TMPRSS13: variants seen among roughly 807,000 people sequenced by gnomAD.
The protein encoded by TMPRSS13 is transmembrane protease serine 13.
TMPRSS13 carries 50 observed loss-of-function variants against 68.4 expected under a neutral mutation model. The ratio of observed to expected loss-of-function variants is 0.73; its 90% confidence interval spans 0.58 to 0.93. The LOEUF is 0.93. Ranked by LOEUF, TMPRSS13 falls within the 40% of genes least tolerant of loss-of-function variation. The pLI, the probability that TMPRSS13 is intolerant of heterozygous loss-of-function variation, is 0.00. For synonymous variants in TMPRSS13, 267 were observed against 285.8 expected (o/e 0.93, Z 0.66); for missense variants, 615 against 729.2 (o/e 0.84, Z 1.80).
intron 6 of TMPRSS13, among the ~76,000 whole-genome samples, chr11:117,911,087 G>A (rs1041518522): frequency 2.0e-4 from 30 of 152,206 alleles, no homozygotes; most frequent in Non-Finnish European, 3.7e-4. Context: ...GTGGTCTGGT[G>A]CTCCTCTGAC....
rs1208842677 is a variant in TMPRSS13, at chr11:117,914,496, T to C, written c.575A>G (p.His192Arg). ...CTGCTCCTTGTACCTGATCCCTGTG[T>C]GGCCCTGCCAGAACTGGACTAGAGA... ...LIILFQFWQGHTGIRYKEQRE... is the reference protein window; with the variant it reads ...LIILFQFWQGRTGIRYKEQRE... The change falls in exon 4 of 13, where the codon CAC (histidine) becomes CGC (arginine). Residue 192 changes from histidine (H) to arginine (R), a missense_variant. Transcript: ENST00000524993. This position sits in a 1 kb window ranked among gnomAD's most constrained non-coding sequence, Gnocchi z 4.2. 2 of 1,613,882 alleles carry C rather than the reference T, an allele frequency of 1.2e-6. No homozygotes were observed. Among genetic ancestry groups the C allele is most frequent in the Non-Finnish European group, 1.7e-6 (2 of 1,180,022 alleles).
At position 117,903,734 on chromosome 11, in the gene TMPRSS13, G is replaced by A. The variant is rs536540174; in HGVS notation, c.1598C>T (p.Thr533Ile). The change falls in exon 12 of 13, where the codon ACA becomes ATA. Residue 533 changes from threonine (T) to isoleucine (I), a missense_variant. By Grantham distance (89) the Thr-to-Ile change is moderately conservative (BLOSUM62 -1). Transcript: ENST00000524993. ...WYLAGVTSWG[T>I]GCGQRNKPGV... ...AGGTTTGTTTCTCTGGCCACAGCCT[G>A]TGCCCCAGCTGGTGACACCTGCCAG... 3.2e-5 allele frequency: 51 copies of A among 1,613,498 alleles called. No homozygotes were observed. In the East Asian group the frequency reaches 8.7e-4, roughly 27 times the overall value.
chr11:117,928,724 C>T (rs1591634996), intron 1 of TMPRSS13, among the ~76,000 whole-genome samples: 1 of 152,168 alleles, frequency 6.6e-6, no homozygotes, highest in Non-Finnish European at 1.5e-5. Context: ...TGTGGTTAAA[C>T]ATCAAGAAGC....
chr11:117,927,545 C>T (rs2057718336), intron 1 of TMPRSS13, among the ~76,000 whole-genome samples: 1 of 152,214 alleles, frequency 6.6e-6, no homozygotes, highest in Admixed American at 6.5e-5. Context: ...GGAGTGCCAT[C>T]AGGCTCAAGC....
intron 1 of TMPRSS13, among the ~76,000 whole-genome samples, chr11:117,927,044 C>CTAT (rs1344262582): frequency 6.6e-6 from 1 of 152,208 alleles, no homozygotes; most frequent in Non-Finnish European, 1.5e-5. Context: ...ACATAATGAA[C>CTAT]TATAACTCAA....
intron 10 of TMPRSS13, among the ~76,000 whole-genome samples, chr11:117,905,079 G>C (rs2057450619): frequency 1.3e-5 from 2 of 151,154 alleles, no homozygotes; most frequent in Admixed American, 1.3e-4. Context: ...ATTTTTTGTA[G>C]AGATGGGGTT....
At chr11:117,929,261 G>A (rs1303215202) in intron 1 of TMPRSS13, 26 bp downstream of exon 1, 5 of 1,595,242 alleles carry the variant, frequency 3.1e-6, no homozygotes, top group Non-Finnish European at 4.3e-6. Flanking sequence ...GGGAGAATCT[G>A]GCCCGAGGCC....
chr11:117,909,863 C>T lies in TMPRSS13; in HGVS notation c.1052G>A (p.Cys351Tyr). The T allele has an allele frequency of 1.2e-6, 2 of 1,613,998 alleles. No homozygotes were observed. The highest frequency in any genetic ancestry group is 1.7e-6 in the Non-Finnish European group (2 of 1,180,012). The change falls in exon 8 of 13, where the codon TGT becomes TAT. Residue 351 changes from cysteine (C) to tyrosine (Y), a missense_variant. Cys to Tyr is a radical substitution (Grantham distance 194). Coordinates refer to ENST00000524993, the MANE Select transcript of TMPRSS13 (RefSeq NM_001077263.3). The part of the protein sequence containing the change: ...VSLHFGTTHI[C>Y]GGTLIDAQWV... The stretch of plus-strand genomic sequence containing the variant: ...CTGGGCGTCAATGAGCGTGCCTCCA[C>T]AGATGTGGGTGGTGCCGAAGTGCAG...
rs1262132865 is a variant in TMPRSS13, at chr11:117,914,522, A to G, written c.557-8T>C. 3 of 1,613,646 alleles carry G rather than the reference A, an allele frequency of 1.9e-6. No individual in the cohort carries two copies. The African/African-American group carries it at 4.0e-5, about 22-fold the overall frequency. On this transcript the variant is annotated splice_polypyrimidine_tract_variant and splice_region_variant and intron_variant, in intron 3 of 12. Transcript: ENST00000524993. This position sits in a 1 kb window ranked among gnomAD's most constrained non-coding sequence, Gnocchi z 4.2. ...GGCCCTGCCAGAACTGGACTAGAGAAAAAGAAGCAGACAGCTGGGTCATGG... is the reference window on the plus strand; with the variant it reads ...GGCCCTGCCAGAACTGGACTAGAGAGAAAGAAGCAGACAGCTGGGTCATGG...
At position 117,901,990 on chromosome 11, in the gene TMPRSS13, A is replaced by C; in HGVS notation, c.*249T>G. 4 of 571,520 alleles carry C rather than the reference A, an allele frequency of 7.0e-6. No individual in the cohort carries two copies. Among genetic ancestry groups the C allele is most frequent in the Admixed American group, 5.7e-5 (2 of 35,240 alleles). 35.4% of individuals were successfully genotyped at this position (571,520 alleles called of 1,614,324 possible). A position where few individuals can be genotyped will look rare whatever the true frequency, so the allele number is the denominator to read the frequency against. On this transcript the variant is annotated 3_prime_UTR_variant, in exon 13 of 13. Transcript: ENST00000524993. ...CGGTACTCAACTCTTGTCTCCAGGT[A>C]ATTTCCAGCCTGGGATTTTGAGAAG...
rs1369367954 is a variant in TMPRSS13 at position 117,901,353 on chromosome 11, C to T, written c.*886G>A. 2.0e-5 allele frequency: 3 copies of T among 152,572 alleles called. No individual in the cohort carries two copies. The highest frequency in any genetic ancestry group is 4.4e-5 in the Non-Finnish European group (3 of 68,052). The allele number at this position is 152,572 out of a possible 1,614,324, so 9.5% of individuals were successfully genotyped here. ...AAGGATTTGCTTCCCTGAGTATCTC[C>T]TAGGGGCTCCAGATGCTGTAGTGAC... is the stretch of plus-strand genomic sequence containing the variant. On this transcript the variant is annotated 3_prime_UTR_variant, in exon 13 of 13. Transcript: ENST00000524993.
intron 1 of TMPRSS13, among the ~76,000 whole-genome samples, chr11:117,925,865 C>A (rs959532875): frequency 3.9e-5 from 6 of 152,292 alleles, no homozygotes; most frequent in African/African-American, 1.4e-4. Flanking sequence ...TACACACACT[C>A]CCGCACGCTT....
chr11:117,911,905 A>G, intron 5 of TMPRSS13, 45 bp from the exon 6 acceptor site: 1 of 1,509,234 alleles, frequency 6.6e-7, no homozygotes, highest in Non-Finnish European at 9.2e-7. Context: ...CTGGAGACAG[A>G]GTCATCCCAA....
chr11:117,911,337 C>T (rs188229761), intron 6 of TMPRSS13, among the ~76,000 whole-genome samples: 18 of 152,310 alleles, frequency 1.2e-4, no homozygotes, highest in Middle Eastern at 3.4e-3. Context: ...ACCCTGTCCC[C>T]TAACTGCACT....
At position 117,903,195 on chromosome 11, in the gene TMPRSS13, T is replaced by C. The variant is rs2057424988; in HGVS notation, c.1677+460A>G. ...GTCAGAGTTAAAATGGAGTCACTTG[T>C]GTTTTTAAAAAAAGACAACAACAAC... On this transcript the variant is annotated intron_variant, in intron 12 of 12. Coordinates refer to ENST00000524993, the MANE Select transcript of TMPRSS13 (RefSeq NM_001077263.3). The C allele has an allele frequency of 5.0e-6, 7 of 1,395,698 alleles. No individual in the cohort carries two copies. The South Asian group carries it at 1.1e-4, about 23-fold the overall frequency. 86.5% of individuals were successfully genotyped at this position (1,395,698 alleles called of 1,614,324 possible). A position where few individuals can be genotyped will look rare whatever the true frequency, so the allele number is the denominator to read the frequency against.
intron 12 of TMPRSS13, chr11:117,903,418 C>A: frequency 6.5e-7 from 1 of 1,536,114 alleles, no homozygotes; most frequent in South Asian, 1.2e-5. Flanking sequence ...GCCTGCCTGG[C>A]CTGTAGGTCC....
chr11:117,918,965 C>T, intron 1 of TMPRSS13, 127 bp from the exon 2 acceptor site: 1 of 1,317,118 alleles, frequency 7.6e-7, no homozygotes, highest in Non-Finnish European at 1.0e-6. Flanking sequence ...GCCCCCCGGA[C>T]AAGGAAGCAT....
At chr11:117,905,858 T>A in intron 9 of TMPRSS13, 122 bp from the exon 10 acceptor site, 1 of 649,786 alleles carries the variant, frequency 1.5e-6, no homozygotes, top group South Asian at 1.8e-5. Flanking sequence ...AATCCTTGAC[T>A]CTAGAGTCCT....
intron 1 of TMPRSS13, among the ~76,000 whole-genome samples, chr11:117,928,060 C>T (rs1224436097): frequency 6.6e-6 from 1 of 152,172 alleles, no homozygotes; most frequent in African/African-American, 2.4e-5. Flanking sequence ...GCATGGCCAC[C>T]CTCCGGATAG....
Sources: allele counts gnomAD v4.1 joint callset (sites outside exome capture counted in the v4.1 genomes callset), GRCh38; gene constraint gnomAD v4.1.1; non-coding constraint Gnocchi (gnomAD v3.1); transcripts MANE v1.5; gene names NCBI Gene and HGNC (gene_info 2026-07-23, HGNC 2026-07-21).